PPP1R13B: variants seen among roughly 807,000 people sequenced by gnomAD.
PPP1R13B encodes protein phosphatase 1 regulatory subunit 13B, also known as apoptosis-stimulating of p53 protein 1.
In PPP1R13B, 44 loss-of-function variants were observed where a neutral mutation model predicts 119.8. That is an observed-to-expected ratio of 0.37 (90% CI 0.29 to 0.47). The LOEUF is 0.47. PPP1R13B is among the 20% of genes least tolerant of loss of function. The probability of loss-of-function intolerance (pLI) is 0.99; values close to 1 mark genes in which losing one functional copy is unlikely to be tolerated. For missense variants in PPP1R13B, 1,227 were observed against 1,413.5 expected, an observed-to-expected ratio of 0.87 and a Z score of 2.12; for synonymous variants, 542 against 561.5, an observed-to-expected ratio of 0.97 and a Z score of 0.49.
Position 103,742,056 on chromosome 14 carries a change from T to C in PPP1R13B, c.1556A>G (p.Gln519Arg). The C allele has an allele frequency of 1.2e-6, 2 of 1,614,202 alleles. No individual in the cohort carries two copies. The highest frequency in any genetic ancestry group is 1.7e-6 in the Non-Finnish European group (2 of 1,180,026). ...ACTTGGCGGTACGGAAATCCTCTGC[T>C]GAATCTGTTGTGAGGAGCCTGGCTG... ...TPQPGSSQQI[Q>R]QRISVPPSPT... The change falls in exon 11 of 17, where the codon CAG becomes CGG. Residue 519 changes from glutamine to arginine, a missense_variant. Physicochemically the swap from Gln to Arg is conservative, Grantham distance 43. Coordinates refer to ENST00000202556, the MANE Select transcript of PPP1R13B (RefSeq NM_015316.3). The surrounding 1 kb of genome is among the most constrained non-coding windows in gnomAD (Gnocchi z 4.9).
chr14:103,799,715 TG>T (rs777725825), intron 1 of PPP1R13B, among the ~76,000 whole-genome samples: 15 of 151,574 alleles, frequency 9.9e-5, no homozygotes, highest in Admixed American at 2.6e-4. Flanking sequence ...TTTTCCTCAG[TG>T]GAACAATGAA....
chr14:103,753,941 G>A, intron 6 of PPP1R13B, 129 bp downstream of exon 6: 2 of 1,175,136 alleles, frequency 1.7e-6, no homozygotes, highest in Middle Eastern at 3.0e-4. Flanking sequence ...GCAAATAACA[G>A]AGCAAAACTT....
upstream of PPP1R13B, chr14:103,847,719 T>G (rs1319132075): frequency 6.7e-6 from 5 of 743,208 alleles, no homozygotes; most frequent in Non-Finnish European, 8.2e-6. Flanking sequence ...CTCCGCCCGC[T>G]ACCCTCGCTC....
intron 4 of PPP1R13B, among the ~76,000 whole-genome samples, chr14:103,765,986 TTTATTATTATTA>T (rs56171368): frequency 4.3e-4 from 60 of 139,058 alleles, no homozygotes; most frequent in South Asian, 3.2e-3. Context: ...AAATTTTTAT[TTTATTATTATTA>T]TTATTATTAT....
At chr14:103,845,714 A>G (rs2087013711) in intron 1 of PPP1R13B, among the ~76,000 whole-genome samples, 2 of 152,222 alleles carry the variant, frequency 1.3e-5, no homozygotes, top group African/African-American at 4.8e-5. Flanking sequence ...GATATCCTTC[A>G]ATGCCACCAC....
chr14:103,847,554 C>T lies in PPP1R13B; in HGVS notation c.-247G>A, dbSNP rs1014282874. On this transcript the variant is annotated 5_prime_UTR_variant, in exon 1 of 17. Transcript: ENST00000202556. ...CCGCCGCCTCAACCTCAGCCTCAGC[C>T]TCAGCCCCAGCCCGACAGCCTGCGG... 6.6e-5 allele frequency: 65 copies of T among 986,896 alleles called. No individual in the cohort carries two copies. In the South Asian group the frequency reaches 8.6e-4, roughly 13 times the overall value. The allele number at this position is 986,896 out of a possible 1,614,324, so 61.1% of individuals were successfully genotyped here.
chr14:103,815,568 C>T (rs2086258023), intron 1 of PPP1R13B, among the ~76,000 whole-genome samples: 1 of 151,598 alleles, frequency 6.6e-6, no homozygotes, highest in African/African-American at 2.4e-5. Flanking sequence ...CCAGCCCAGC[C>T]AACATGGTGA....
At chr14:103,772,745 T>C (rs967103867) in intron 4 of PPP1R13B, among the ~76,000 whole-genome samples, 1 of 151,774 alleles carries the variant, frequency 6.6e-6, no homozygotes, top group Non-Finnish European at 1.5e-5. Context: ...CGATCTCAGC[T>C]CACTGCAACC....
intron 4 of PPP1R13B, among the ~76,000 whole-genome samples, chr14:103,758,193 T>A (rs1441417020): frequency 6.6e-6 from 1 of 152,200 alleles, no homozygotes; most frequent in Non-Finnish European, 1.5e-5. Flanking sequence ...TTCTAATATA[T>A]GAATAACTCA....
chr14:103,760,042 G>T (rs1363280446), intron 4 of PPP1R13B, among the ~76,000 whole-genome samples: 2 of 152,124 alleles, frequency 1.3e-5, no homozygotes, highest in Non-Finnish European at 1.5e-5. Context: ...ACAGCTGAAT[G>T]AATTATTTCA....
In PPP1R13B at chr14:103,740,551, G is replaced by A. The variant is rs571351869; in HGVS notation, c.1865C>T (p.Ser622Leu). The A allele has an allele frequency of 5.2e-5, 81 of 1,559,550 alleles. No homozygotes were observed. The highest frequency in any genetic ancestry group is 6.4e-5 in the Non-Finnish European group (74 of 1,150,168). ...PVLPSGSTSPSPLPFLHGSLS... is the reference protein window; with the variant it reads ...PVLPSGSTSPLPLPFLHGSLS... ...TGACCCGTGAAGAAACGGCAGCGGC[G>A]ATGGAGAGGTTGAACCCGAAGGTAA... is the stretch of plus-strand genomic sequence containing the variant. Residue 622 changes from serine to leucine, a missense_variant, in exon 12 of 17, where the codon TCG (serine) becomes TTG (leucine). Ser to Leu is a moderately radical substitution (Grantham distance 145). Transcript: ENST00000202556. This position sits in a 1 kb window ranked among gnomAD's most constrained non-coding sequence, Gnocchi z 4.6.
intron 1 of PPP1R13B, among the ~76,000 whole-genome samples, chr14:103,833,667 T>C (rs554292742): frequency 9.9e-5 from 15 of 151,640 alleles, no homozygotes; most frequent in South Asian, 6.3e-4. Context: ...TAAAATAAAA[T>C]CCTTCTACCT....
intron 2 of PPP1R13B, among the ~76,000 whole-genome samples, chr14:103,790,245 C>CAA (rs571576912): frequency 0.32 from 38,765 of 122,836 alleles, 5,758 homozygotes; most frequent in Non-Finnish European, 0.38. Context: ...GACCCTGTCT[C>CAA]AAAAAAAAAA....
chr14:103,833,597 C>T (rs572134988), intron 1 of PPP1R13B, among the ~76,000 whole-genome samples: 2 of 152,160 alleles, frequency 1.3e-5, no homozygotes, highest in East Asian at 3.9e-4. Flanking sequence ...GAGACAAGAT[C>T]GCACTACTGC....
intron 1 of PPP1R13B, among the ~76,000 whole-genome samples, chr14:103,816,404 C>T (rs957743899): frequency 4.0e-5 from 6 of 149,854 alleles, no homozygotes; most frequent in African/African-American, 1.5e-4. Context: ...GCCAGGTTTC[C>T]GGCCAGGCAC....
At chr14:103,786,170 A>G (rs1295594606) in intron 2 of PPP1R13B, among the ~76,000 whole-genome samples, 5 of 151,952 alleles carry the variant, frequency 3.3e-5, no homozygotes, top group Admixed American at 3.3e-4. Context: ...CTCCCAAGTT[A>G]GCTGAAACTA....
Position 103,740,391 on chromosome 14 carries a change from G to A in PPP1R13B, c.2025C>T (p.Leu675=), listed in dbSNP as rs1356668970. The part of the protein sequence containing the change: ...SLPRPLSPTK[L]TPIVHSPLRY... ...GCAGTGGCGAATGCACGATGGGCGTGAGCTTGGTGGGGCTGAGTGGCCGTG... is the reference window on the plus strand; with the variant it reads ...GCAGTGGCGAATGCACGATGGGCGTAAGCTTGGTGGGGCTGAGTGGCCGTG... Residue 675 remains leucine, a synonymous_variant, in exon 12 of 17, where the codon CTC becomes CTT. Transcript: ENST00000202556. The surrounding 1 kb of genome is among the most constrained non-coding windows in gnomAD (Gnocchi z 4.6). 1.3e-6 allele frequency: 2 copies of A among 1,575,444 alleles called. No individual in the cohort carries two copies. The highest frequency in any genetic ancestry group is 8.6e-7 in the Non-Finnish European group (1 of 1,158,298).
intron 1 of PPP1R13B, among the ~76,000 whole-genome samples, chr14:103,812,000 C>A (rs1273450410): frequency 8.1e-6 from 1 of 123,776 alleles, no homozygotes; most frequent in Non-Finnish European, 1.6e-5. Context: ...GCGGAGCTTG[C>A]GGTGAGCTGA....
intron 1 of PPP1R13B, among the ~76,000 whole-genome samples, chr14:103,808,520 C>T (rs2086071687): frequency 6.6e-6 from 1 of 152,178 alleles, no homozygotes; most frequent in Non-Finnish European, 1.5e-5. Flanking sequence ...TGTTGGGCTG[C>T]ATTCAAAGCT....
Sources: allele counts gnomAD v4.1 joint callset (sites outside exome capture counted in the v4.1 genomes callset), GRCh38; gene constraint gnomAD v4.1.1; non-coding constraint Gnocchi (gnomAD v3.1); transcripts MANE v1.5; gene names NCBI Gene and HGNC (gene_info 2026-07-23, HGNC 2026-07-21).